ADGRV1: variants seen among roughly 807,000 people sequenced by gnomAD.
The protein encoded by ADGRV1 is adhesion G protein-coupled receptor V1.
ADGRV1 carries 359 observed loss-of-function variants against 596.2 expected under a neutral mutation model. The ratio of observed to expected loss-of-function variants is 0.60; its 90% CI spans 0.55 to 0.66. The LOEUF (loss-of-function observed/expected upper bound fraction) is 0.66, where lower values mean the gene tolerates loss of function less well. Among genes scored for constraint, ADGRV1 ranks in the 30% least tolerant of loss-of-function variants. ADGRV1 has a pLI of 0.00. For synonymous variants in ADGRV1, 2,681 were observed against 2,679.2 expected (o/e 1.00, Z -0.02); for missense variants, 7,274 against 7,575.6 (o/e 0.96, Z 1.48).
At position 90,776,501 on chromosome 5, in the gene ADGRV1, T is replaced by C; in HGVS notation, c.12452T>C (p.Val4151Ala). 5 of 1,613,310 alleles carry C rather than the reference T, an allele frequency of 3.1e-6. No individual in the cohort carries two copies. The highest frequency in any genetic ancestry group is 4.2e-6 in the Non-Finnish European group (5 of 1,179,458). Residue 4151 changes from valine to alanine, a missense_variant, in exon 61 of 90, where the codon GTT (valine) becomes GCT (alanine). Val to Ala is a moderately conservative substitution (Grantham distance 64). Coordinates refer to ENST00000405460, the MANE Select transcript of ADGRV1 (RefSeq NM_032119.4). The part of the protein sequence containing the change: ...IRGDKRASGE[V>A]GIAPSSRHIL... Reference sequence around the variant, plus strand: ...GGTGATAAGCGAGCATCAGGAGAAGTTGGGATAGCTCCGTCATCTAGGCAC... The same window carrying C: ...GGTGATAAGCGAGCATCAGGAGAAGCTGGGATAGCTCCGTCATCTAGGCAC...
intron 87 of ADGRV1, among the ~76,000 whole-genome samples, chr5:91,129,822 G>T (rs1404137070): frequency 6.6e-6 from 1 of 152,160 alleles, no homozygotes; most frequent in Non-Finnish European, 1.5e-5. Flanking sequence ...GGAACCCTGA[G>T]TTTTTAACAC....
At chr5:90,796,334 C>A (rs1760709724) in intron 70 of ADGRV1, among the ~76,000 whole-genome samples, 1 of 151,302 alleles carries the variant, frequency 6.6e-6, no homozygotes. Context: ...GAAGCATACA[C>A]AAATATCAAT....
intron 75 of ADGRV1, among the ~76,000 whole-genome samples, chr5:90,822,605 G>A (rs1000016215): frequency 6.6e-5 from 10 of 152,256 alleles, no homozygotes; most frequent in African/African-American, 2.4e-4. Flanking sequence ...CTGACTCGGC[G>A]ATGCGGGCTC....
At chr5:90,672,525 A>G (rs777228116) in intron 21 of ADGRV1, 21 bp from the exon 22 acceptor site, 2 of 1,602,378 alleles carry the variant, frequency 1.2e-6, no homozygotes, top group Non-Finnish European at 1.7e-6. Context: ...GCACCTATTA[A>G]TAATTTACAT....
Position 90,629,252 on chromosome 5 carries a change from A to G in ADGRV1, c.1552A>G (p.Ile518Val). Residue 518 changes from isoleucine to valine, a missense_variant, in exon 9 of 90, where the codon ATA (isoleucine) becomes GTA (valine). By Grantham distance (29) the Ile-to-Val change is conservative. Transcript: ENST00000405460. The part of the protein sequence containing the change: ...IQDSDDVYGL[I>V]TFFPMENQKI... ...GGATAGTGATGATGTCTATGGCCTA[A>G]TAACATTTTTTCCTATGGAAAACCA... 6.2e-7 allele frequency: 1 copy of G among 1,611,396 alleles called. No individual in the cohort carries two copies. Among genetic ancestry groups the G allele is most frequent in the Non-Finnish European group, 8.5e-7 (1 of 1,178,740 alleles).
chr5:90,843,442 T>C (rs1028824951), intron 78 of ADGRV1, among the ~76,000 whole-genome samples: 1 of 150,936 alleles, frequency 6.6e-6, no homozygotes, highest in Admixed American at 6.6e-5. Context: ...TAGTGTTGGA[T>C]GGCTGATGTA....
At chr5:90,595,515 G>C (rs1760281206) in intron 1 of ADGRV1, among the ~76,000 whole-genome samples, 1 of 119,564 alleles carries the variant, frequency 8.4e-6, no homozygotes. Context: ...GGGCGGCCGG[G>C]CAGAGGCGCC....
At chr5:90,748,638 A>G (rs1003757952) in intron 52 of ADGRV1, among the ~76,000 whole-genome samples, 2 of 152,090 alleles carry the variant, frequency 1.3e-5, no homozygotes, top group African/African-American at 4.8e-5. Context: ...AGAGGACCCT[A>G]TTCTTATTAG....
At chr5:90,750,810 G>T in intron 53 of ADGRV1, 113 bp downstream of exon 53, 1 of 689,178 alleles carries the variant, frequency 1.5e-6, no homozygotes, top group Non-Finnish European at 2.5e-6. Flanking sequence ...TATCAACACT[G>T]AATTCCTACT....
chr5:90,744,242 A>G (rs1469143605), intron 50 of ADGRV1, among the ~76,000 whole-genome samples: 3 of 152,142 alleles, frequency 2.0e-5, no homozygotes, highest in Non-Finnish European at 4.4e-5. Context: ...TTGGCCTCCC[A>G]AAGTGCTAGG....
At chr5:90,650,943 G>T (rs1359608692) in intron 17 of ADGRV1, among the ~76,000 whole-genome samples, 1 of 152,184 alleles carries the variant, frequency 6.6e-6, no homozygotes, top group Non-Finnish European at 1.5e-5. Flanking sequence ...AACAGCTGGA[G>T]TAAAGATGAA....
Position 90,704,489 on chromosome 5 carries a change from G to A in ADGRV1, c.8386+1G>A, listed in dbSNP as rs755999531. On this transcript the variant is annotated splice_donor_variant, in intron 36 of 89. Transcript: ENST00000405460. LOFTEE classifies it high-confidence loss of function. ...ATTCTGTATGATGTCAGGACACAAG[G>A]TAATTCAGAATTTAATTTTAATTTT... 6.6e-7 allele frequency: 1 copy of A among 1,507,536 alleles called. No individual in the cohort carries two copies. Among genetic ancestry groups the A allele is most frequent in the East Asian group, 2.4e-5 (1 of 41,780 alleles). The allele number at this position is 1,507,536 out of a possible 1,614,324, so 93.4% of individuals were successfully genotyped here.
intron 65 of ADGRV1, among the ~76,000 whole-genome samples, chr5:90,782,889 T>C (rs566503352): frequency 6.6e-6 from 1 of 152,294 alleles, no homozygotes; most frequent in East Asian, 1.9e-4. Flanking sequence ...TTAAATACAT[T>C]GTTTAAATGC....
chr5:90,571,779 T>C (rs1756557763), intron 1 of ADGRV1, among the ~76,000 whole-genome samples: 1 of 152,174 alleles, frequency 6.6e-6, no homozygotes, highest in Non-Finnish European at 1.5e-5. Context: ...TAACTGTTAT[T>C]GCAGGCTGTT....
intron 50 of ADGRV1, among the ~76,000 whole-genome samples, chr5:90,737,074 C>A (rs747744744): frequency 6.6e-6 from 1 of 151,446 alleles, no homozygotes; most frequent in African/African-American, 2.4e-5. Context: ...ATTTCTTTTT[C>A]AATACAGGCG....
At chr5:90,591,113 T>C (rs1446609994) in intron 1 of ADGRV1, among the ~76,000 whole-genome samples, 4 of 152,196 alleles carry the variant, frequency 2.6e-5, no homozygotes. Flanking sequence ...TTAATGAGGC[T>C]GAGCATGATG....
intron 85 of ADGRV1, among the ~76,000 whole-genome samples, chr5:91,004,703 A>T (rs1313668415): frequency 6.6e-6 from 1 of 152,190 alleles, no homozygotes; most frequent in African/African-American, 2.4e-5. Flanking sequence ...TGATTTAATC[A>T]TTTGTTGTGA....
intron 65 of ADGRV1, among the ~76,000 whole-genome samples, chr5:90,782,844 T>TA (rs1385864311): frequency 2.8e-5 from 4 of 142,628 alleles, no homozygotes; most frequent in Non-Finnish European, 5.9e-5. Context: ...CATTTGTTTT[T>TA]ATGTAGTACA....
rs771308242 is a variant in ADGRV1 at position 90,750,596 on chromosome 5, G to A, written c.11020G>A (p.Val3674Ile). The change falls in exon 53 of 90, where the codon GTA becomes ATA. Residue 3674 changes from valine (V) to isoleucine (I), a missense_variant. Coordinates refer to ENST00000405460, the MANE Select transcript of ADGRV1 (RefSeq NM_032119.4). ...GGAAGAAATGGAGCAAGATAGCCTAGTAACCTTGAACGTTGAACGCTTAAA... is the reference window on the plus strand; with the variant it reads ...GGAAGAAATGGAGCAAGATAGCCTAATAACCTTGAACGTTGAACGCTTAAA... ...QVEEMEQDSLVTLNVERLKGT... is the reference protein window; with the variant it reads ...QVEEMEQDSLITLNVERLKGT... 1.9e-6 allele frequency: 3 copies of A among 1,612,178 alleles called. No homozygotes were observed. The highest frequency in any genetic ancestry group is 2.2e-5 in the East Asian group (1 of 44,824).
Sources: allele counts gnomAD v4.1 joint callset (sites outside exome capture counted in the v4.1 genomes callset), GRCh38; gene constraint gnomAD v4.1.1; transcripts MANE v1.5; gene names NCBI Gene and HGNC (gene_info 2026-07-23, HGNC 2026-07-21).